CPPED1: variants seen among roughly 807,000 people sequenced by gnomAD.
CPPED1 encodes serine/threonine-protein phosphatase CPPED1.
In CPPED1, 28 loss-of-function variants were observed where a neutral mutation model predicts 28.0. The ratio of observed to expected loss-of-function variants is 1.00; its 90% CI spans 0.74 to 1.37. The LOEUF (loss-of-function observed/expected upper bound fraction) is 1.37, where lower values mean the gene tolerates loss of function less well. Ranked by LOEUF, CPPED1 falls within the 40% of genes most tolerant of loss-of-function variation. The pLI, the probability that CPPED1 is intolerant of heterozygous loss-of-function variation, is 0.00. For missense variants in CPPED1, 504 were observed against 416.5 expected (o/e 1.21, Z -1.83); for synonymous variants, 198 against 180.2 (o/e 1.10, Z -0.79).
chr16:12,723,393 G>T (rs553636303), intron 2 of CPPED1, among the ~76,000 whole-genome samples: 1 of 152,226 alleles, frequency 6.6e-6, no homozygotes, highest in East Asian at 1.9e-4. Flanking sequence ...CTGGACACGG[G>T]GTCTCCAACA....
chr16:12,664,158 A>T lies in CPPED1; in HGVS notation c.*728T>A, dbSNP rs1412506329. On this transcript the variant is annotated 3_prime_UTR_variant, in exon 4 of 4. Coordinates refer to ENST00000381774, the MANE Select transcript of CPPED1 (RefSeq NM_018340.3). The surrounding 1 kb of genome is among the most constrained non-coding windows in gnomAD (Gnocchi z 4.2). ...AACCAACTCAACGTGCTCCCCAGAG[A>T]CTGAAGAAGCGGCGTTTTAGAGCTT... The T allele has an allele frequency of 6.4e-6, 1 of 156,382 alleles. No homozygotes were observed. The highest frequency in any genetic ancestry group is 1.4e-5 in the Non-Finnish European group (1 of 71,882). 9.7% of individuals were successfully genotyped at this position (156,382 alleles called of 1,614,324 possible).
At chr16:12,672,403 G>A (rs1435527316) in intron 3 of CPPED1, among the ~76,000 whole-genome samples, 1 of 152,192 alleles carries the variant, frequency 6.6e-6, no homozygotes, top group Non-Finnish European at 1.5e-5. Context: ...GTTTATTTAT[G>A]GAAGACCTGT....
At chr16:12,688,630 C>A (rs1358000720) in intron 3 of CPPED1, among the ~76,000 whole-genome samples, 9 of 152,098 alleles carry the variant, frequency 5.9e-5, no homozygotes, top group Admixed American at 1.3e-4. Flanking sequence ...ATTCATCGCG[C>A]CCAGCCCCTA....
At chr16:12,694,471 G>T (rs2079979047) in intron 3 of CPPED1, among the ~76,000 whole-genome samples, 1 of 152,110 alleles carries the variant, frequency 6.6e-6, no homozygotes, top group Non-Finnish European at 1.5e-5. Context: ...TACCTCCAAA[G>T]TGAGAAATCT....
intron 2 of CPPED1, among the ~76,000 whole-genome samples, chr16:12,735,691 T>C (rs2141208038): frequency 6.6e-6 from 1 of 152,308 alleles, no homozygotes; most frequent in African/African-American, 2.4e-5. Flanking sequence ...AGTAAGTTCG[T>C]CTCTGCAAAG....
intron 2 of CPPED1, among the ~76,000 whole-genome samples, chr16:12,772,933 T>G (rs76191338): frequency 0.051 from 7,724 of 152,282 alleles, 577 homozygotes; most frequent in African/African-American, 0.16. Flanking sequence ...CCAGTAATAT[T>G]TTGTTAGCAA....
Position 12,709,062 on chromosome 16 carries a change from A to C in CPPED1, c.290-4013T>G, listed in dbSNP as rs898460099. Among the ~76,000 whole-genome samples the C allele has an allele frequency of 2.0e-5, 3 of 152,200 alleles. No homozygotes were observed. Among genetic ancestry groups the C allele is most frequent in the African/African-American group, 7.2e-5 (3 of 41,452 alleles). On this transcript the variant is annotated intron_variant, in intron 2 of 3. Transcript: ENST00000381774. This position sits in a 1 kb window ranked among gnomAD's most constrained non-coding sequence, Gnocchi z 4.4. ...ACTATTGCATTCCAGCCTGGGTGAC[A>C]AGAGCAAAACTCTGTCTCAAAAATG...
At chr16:12,712,411 T>C (rs955516946) in intron 2 of CPPED1, among the ~76,000 whole-genome samples, 4 of 152,228 alleles carry the variant, frequency 2.6e-5, no homozygotes, top group Non-Finnish European at 5.9e-5. Context: ...TAAACTTTAA[T>C]AACTTCATGA....
At chr16:12,766,256 T>TATATATATATAGAG in intron 2 of CPPED1, among the ~76,000 whole-genome samples, 7 of 134,290 alleles carry the variant, frequency 5.2e-5, no homozygotes, top group African/African-American at 2.4e-4. Flanking sequence ...TATATATATA[T>TATATATATATAGAG]AGAGAGAGAG....
chr16:12,795,081 T>C (rs1425070135), intron 1 of CPPED1, among the ~76,000 whole-genome samples: 1 of 152,250 alleles, frequency 6.6e-6, no homozygotes, highest in African/African-American at 2.4e-5. Flanking sequence ...GCTGTTATTT[T>C]TTTTCCCATT....
intron 2 of CPPED1, among the ~76,000 whole-genome samples, chr16:12,769,656 G>A (rs75762618): frequency 6.6e-6 from 1 of 152,144 alleles, no homozygotes; most frequent in African/African-American, 2.4e-5. Flanking sequence ...ATTTCACCGG[G>A]CTCATACTGG....
Position 12,777,976 on chromosome 16 carries a change from C to G in CPPED1, c.289+3209G>C, listed in dbSNP as rs75271358. Among the ~76,000 whole-genome samples the G allele has an allele frequency of 1.6e-3, 221 of 141,124 alleles. 1 individual carries two copies. The highest frequency in any genetic ancestry group is 5.6e-3 in the African/African-American group (210 of 37,508). 92.6% of individuals were successfully genotyped at this position (141,124 alleles called of 152,430 possible). On this transcript the variant is annotated intron_variant, in intron 2 of 3. Coordinates refer to ENST00000381774, the MANE Select transcript of CPPED1 (RefSeq NM_018340.3). ...TCAGGCTGGAATGCAGTGGTGTAGT[C>G]TTGGCTCACTGGATTCTCCACCGCC...
At chr16:12,716,789 A>T (rs2080109190) in intron 2 of CPPED1, among the ~76,000 whole-genome samples, 1 of 152,214 alleles carries the variant, frequency 6.6e-6, no homozygotes, top group African/African-American at 2.4e-5. Context: ...ACTGTGTGCT[A>T]GGTAACAGCA....
intron 2 of CPPED1, among the ~76,000 whole-genome samples, chr16:12,726,919 G>T (rs1004638421): frequency 4.6e-5 from 7 of 152,212 alleles, no homozygotes; most frequent in African/African-American, 1.7e-4. Context: ...GTGCCTGGGA[G>T]AGGGTGGTGA....
chr16:12,669,083 G>A (rs2079840792), intron 3 of CPPED1, among the ~76,000 whole-genome samples: 1 of 152,194 alleles, frequency 6.6e-6, no homozygotes, highest in East Asian at 1.9e-4. Flanking sequence ...CAACCTAAAT[G>A]TCCATCAGTT....
intron 2 of CPPED1, among the ~76,000 whole-genome samples, chr16:12,763,208 G>C (rs1231050143): frequency 1.3e-5 from 2 of 151,452 alleles, no homozygotes; most frequent in Non-Finnish European, 2.9e-5. Flanking sequence ...CTCCAGCCTG[G>C]GCAACAAGAG....
At chr16:12,802,244 T>A (rs1267709593) in intron 1 of CPPED1, among the ~76,000 whole-genome samples, 1 of 152,140 alleles carries the variant, frequency 6.6e-6, no homozygotes. Flanking sequence ...TCCAATGGAA[T>A]GTTGCCCAGC....
intron 3 of CPPED1, among the ~76,000 whole-genome samples, chr16:12,666,590 G>A (rs932639096): frequency 1.1e-4 from 16 of 152,040 alleles, no homozygotes; most frequent in Non-Finnish European, 1.9e-4. Flanking sequence ...CACTGTGGCC[G>A]TGGCTGATTT....
intron 2 of CPPED1, among the ~76,000 whole-genome samples, chr16:12,749,109 A>G (rs574614244): frequency 6.6e-6 from 1 of 152,266 alleles, no homozygotes; most frequent in South Asian, 2.1e-4. Context: ...AAAATAAGAC[A>G]ACCATGAAGT....
Sources: allele counts gnomAD v4.1 joint callset (sites outside exome capture counted in the v4.1 genomes callset), GRCh38; gene constraint gnomAD v4.1.1; non-coding constraint Gnocchi (gnomAD v3.1); transcripts MANE v1.5; gene names NCBI Gene and HGNC (gene_info 2026-07-23, HGNC 2026-07-21).